Variants in ZNF300 observed in about 807,000 individuals in gnomAD.
ZNF300 encodes kruppel-like zinc finger protein.
A neutral mutation model predicts 13.9 loss-of-function variants in ZNF300; 6 were observed. That is an observed-to-expected ratio of 0.43 (90% CI 0.24 to 0.85). The LOEUF is 0.85. ZNF300 is among the 40% of genes least tolerant of loss of function. The pLI is 0.25. For synonymous variants in ZNF300, 237 were observed against 242.2 expected, an observed-to-expected ratio of 0.98 and a Z score of 0.20; for missense variants, 662 against 714.2, an observed-to-expected ratio of 0.93 and a Z score of 0.83.
chr5:150,903,244 C>G (rs771182733), intron 2 of ZNF300, 62 bp from the exon 3 acceptor site: 333 of 1,611,764 alleles, frequency 2.1e-4, no homozygotes, highest in Non-Finnish European at 2.7e-4. Flanking sequence ...CTGCAGCTTT[C>G]ACATTCACCA....
intron 3 of ZNF300, among the ~76,000 whole-genome samples, chr5:150,902,855 T>C (rs1213197235): frequency 6.6e-6 from 1 of 152,244 alleles, no homozygotes; most frequent in East Asian, 1.9e-4. Context: ...TTTAGTCTTA[T>C]ATGGCTAGAA....
At chr5:150,898,340 A>ATATG in intron 4 of ZNF300, 88 bp downstream of exon 4, 1 of 1,607,108 alleles carries the variant, frequency 6.2e-7, no homozygotes, top group Non-Finnish European at 8.5e-7. Flanking sequence ...AAGTCATGAC[A>ATATG]TATGTCAGGA....
Position 150,896,429 on chromosome 5 carries a change from T to C in ZNF300, c.810A>G (p.Val270=), listed in dbSNP as rs779123316. Residue 270 remains valine, a synonymous_variant, in exon 6 of 6, where the codon GTA becomes GTG. Transcript: ENST00000274599. The stretch of plus-strand genomic sequence containing the variant: ...CAAAGGCTTTTCCACATGTAACACA[T>C]ACACAGCTTTTCTCTTTAGTTTCCA... The part of the protein sequence containing the change: ...QNVETKEKSC[V]CVTCGKAFAK... 1 of 1,613,580 alleles carries C rather than the reference T, an allele frequency of 6.2e-7. No homozygotes were observed. Among genetic ancestry groups the C allele is most frequent in the African/African-American group, 1.3e-5 (1 of 74,912 alleles).
intron 3 of ZNF300, among the ~76,000 whole-genome samples, chr5:150,901,803 A>G (rs1755003712): frequency 6.6e-6 from 1 of 152,134 alleles, no homozygotes. Flanking sequence ...GCCACAAGGA[A>G]ATATTATGCA....
rs1345538323 is a variant in ZNF300, at chr5:150,904,864, T to TACTGGGCGGTTTTGCCCGTTCCGC, written c.-326_-303dup. The TACTGGGCGGTTTTGCCCGTTCCGC allele has an allele frequency of 2.6e-5, 4 of 152,536 alleles. No individual in the cohort carries two copies. The highest frequency in any genetic ancestry group is 4.4e-5 in the Non-Finnish European group (3 of 68,208). The allele number at this position is 152,536 out of a possible 1,614,324, so 9.4% of individuals were successfully genotyped here. On this transcript the variant is annotated 5_prime_UTR_variant, in exon 1 of 6. Transcript: ENST00000274599. Reference sequence around the variant, plus strand: ...GGGCTCCCGAGGCTGCGCCGTTCCGTACTGGGCGGTTTTGCCCGTTCCGCA... The same window carrying TACTGGGCGGTTTTGCCCGTTCCGC: ...GGGCTCCCGAGGCTGCGCCGTTCCGTACTGGGCGGTTTTGCCCGTTCCGCACTGGGCGGTTTTGCCCGTTCCGCA...
Position 150,895,698 on chromosome 5 carries a change from A to C in ZNF300, c.1541T>G (p.Ile514Ser), listed in dbSNP as rs868280625. The C allele has an allele frequency of 6.2e-7, 1 of 1,613,060 alleles. No homozygotes were observed. Among genetic ancestry groups the C allele is most frequent in the Non-Finnish European group, 8.5e-7 (1 of 1,179,696 alleles). Residue 514 changes from isoleucine (I) to serine (S), a missense_variant, in exon 6 of 6, where the codon ATT becomes AGT. By Grantham distance (142) the Ile-to-Ser change is moderately radical. Transcript: ENST00000274599. ...QKSHLIGHQR[I>S]HTGEKPYICT... ...TATATAAGGTTTTTCTCCTGTGTGA[A>C]TTCTCTGATGTCCAATGAGATGTGA... is the stretch of plus-strand genomic sequence containing the variant.
chr5:150,903,169 A>C lies in ZNF300; in HGVS notation c.-14T>G. The C allele has an allele frequency of 1.2e-6, 2 of 1,613,766 alleles. No homozygotes were observed. The highest frequency in any genetic ancestry group is 1.7e-6 in the Non-Finnish European group (2 of 1,179,876). Reference sequence around the variant, plus strand: ...GGACTTCATCATTTTTTGCTCTTCCAAAAGGCCAGATGACTGAAAAAGCAA... The same window carrying C: ...GGACTTCATCATTTTTTGCTCTTCCCAAAGGCCAGATGACTGAAAAAGCAA... On this transcript the variant is annotated 5_prime_UTR_variant, in exon 3 of 6. Transcript: ENST00000274599.
chr5:150,900,068 A>G (rs1219366376), intron 3 of ZNF300, among the ~76,000 whole-genome samples: 6 of 152,026 alleles, frequency 3.9e-5, no homozygotes, highest in Non-Finnish European at 5.9e-5. Context: ...TAATTTTCCT[A>G]TTGTACATAT....
chr5:150,903,439 GAT>G, intron 2 of ZNF300: 1 of 1,327,272 alleles, frequency 7.5e-7, no homozygotes, highest in Admixed American at 2.0e-5. Context: ...TAGATGTGAA[GAT>G]ATGTTTCCAG....
chr5:150,897,119 A>C, intron 5 of ZNF300, 146 bp from the exon 6 acceptor site: 1 of 594,042 alleles, frequency 1.7e-6, no homozygotes, highest in Non-Finnish European at 2.9e-6. Flanking sequence ...AGTACAGCAT[A>C]TAGTGTTATC....
rs778533726 is a variant in ZNF300 at position 150,895,717 on chromosome 5, G to C, written c.1522C>G (p.Leu508Val). ...CGKAFCQKSHLIGHQRIHTGE... is the reference protein window; with the variant it reads ...CGKAFCQKSHVIGHQRIHTGE... Reference sequence around the variant, plus strand: ...GTGTGAATTCTCTGATGTCCAATGAGATGTGACTTCTGGCAGAAGGCTTTG... The same window carrying C: ...GTGTGAATTCTCTGATGTCCAATGACATGTGACTTCTGGCAGAAGGCTTTG... The change falls in exon 6 of 6, where the codon CTC becomes GTC. Residue 508 changes from leucine to valine, a missense_variant. Coordinates refer to ENST00000274599, the MANE Select transcript of ZNF300 (RefSeq NM_052860.4). 3.7e-6 allele frequency: 6 copies of C among 1,613,626 alleles called. No homozygotes were observed. The Admixed American group carries it at 1.0e-4, about 27-fold the overall frequency.
intron 3 of ZNF300, 106 bp downstream of exon 3, chr5:150,903,035 G>A: frequency 8.3e-7 from 1 of 1,205,274 alleles, no homozygotes; most frequent in East Asian, 2.3e-5. Flanking sequence ...CTTGATCTTT[G>A]TTGTTACCAC....
intron 3 of ZNF300, chr5:150,900,507 T>C (rs978710613): frequency 6.6e-6 from 1 of 152,142 alleles, no homozygotes; most frequent in Non-Finnish European, 1.5e-5. Context: ...AGAACTTTTA[T>C]GTGTTAATGT....
At chr5:150,901,200 A>G (rs1754984610) in intron 3 of ZNF300, among the ~76,000 whole-genome samples, 1 of 152,132 alleles carries the variant, frequency 6.6e-6, no homozygotes, top group Non-Finnish European at 1.5e-5. Flanking sequence ...GGCTAAGTAA[A>G]AAATCCATTC....
At chr5:150,899,094 A>C (rs1240718788) in intron 3 of ZNF300, among the ~76,000 whole-genome samples, 3 of 152,080 alleles carry the variant, frequency 2.0e-5, no homozygotes, top group African/African-American at 7.2e-5. Flanking sequence ...AAAAAAGAAG[A>C]TAGTTATAAA....
At chr5:150,904,309 G>C (rs2113041308) in intron 1 of ZNF300, among the ~76,000 whole-genome samples, 1 of 152,106 alleles carries the variant, frequency 6.6e-6, no homozygotes, top group East Asian at 1.9e-4. Flanking sequence ...AAATGTGGCT[G>C]ACCACCATGA....
intron 3 of ZNF300, among the ~76,000 whole-genome samples, chr5:150,902,671 C>T (rs183673646): frequency 0.039 from 5,890 of 152,200 alleles, 178 homozygotes; most frequent in East Asian, 0.16. Context: ...TTTGCCAACC[C>T]TCACTCAAGA....
At position 150,896,927 on chromosome 5, in the gene ZNF300, T is replaced by A. The variant is rs144492882; in HGVS notation, c.312A>T (p.Thr104=). 2 of 1,613,162 alleles carry A rather than the reference T, an allele frequency of 1.2e-6. No individual in the cohort carries two copies. Among genetic ancestry groups the A allele is most frequent in the African/African-American group, 2.7e-5 (2 of 74,886 alleles). Residue 104 remains threonine (T), a synonymous_variant, in exon 6 of 6, where the codon ACA becomes ACT. Transcript: ENST00000274599. ...TCAGTATCTTATGATGGAAGGAAACTGTCCCCAAAATACATGACTGGGAGT... is the reference window on the plus strand; with the variant it reads ...TCAGTATCTTATGATGGAAGGAAACAGTCCCCAAAATACATGACTGGGAGT... The part of the protein sequence containing the change: ...LHNSQSCILG[T]VSFHHKILKG...
At chr5:150,903,076 T>G in intron 3 of ZNF300, 65 bp downstream of exon 3, 1 of 1,522,512 alleles carries the variant, frequency 6.6e-7, no homozygotes. Context: ...TAGCTAACTT[T>G]ACTTTCCATT....
Sources: allele counts gnomAD v4.1 joint callset (sites outside exome capture counted in the v4.1 genomes callset), GRCh38; gene constraint gnomAD v4.1.1; transcripts MANE v1.5; gene names NCBI Gene and HGNC (gene_info 2026-07-23, HGNC 2026-07-21).